Variants in MXI1 observed in about 807,000 individuals in gnomAD.
MXI1 encodes MAX interactor 1, dimerization protein.
In MXI1, 18 loss-of-function variants were observed where a neutral mutation model predicts 36.9. The observed-to-expected ratio is 0.49, with a 90% CI of 0.34 to 0.72. The LOEUF (loss-of-function observed/expected upper bound fraction) is 0.72. MXI1 is among the 30% of genes least tolerant of loss of function. MXI1 has a pLI of 0.01. For synonymous variants in MXI1, 160 were observed against 146.7 expected (o/e 1.09, Z -0.65); for missense variants, 304 against 379.1 (o/e 0.80, Z 1.64).
At chr10:110,284,753 A>C in intron 5 of MXI1, 71 bp from the exon 6 acceptor site, 1 of 1,349,356 alleles carries the variant, frequency 7.4e-7, no homozygotes, top group Non-Finnish European at 9.9e-7. Flanking sequence ...TCTTTTCCTC[A>C]TGCTGTTAGT....
At chr10:110,259,691 A>G (rs117303510) in intron 3 of MXI1, among the ~76,000 whole-genome samples, 8,052 of 152,070 alleles carry the variant, frequency 0.053, 331 homozygotes, top group South Asian at 0.15. Context: ...AGAGATTCAG[A>G]TATTTTGATA....
chr10:110,209,888 G>T (rs896753141), intron 1 of MXI1, among the ~76,000 whole-genome samples: 2 of 152,100 alleles, frequency 1.3e-5, no homozygotes, highest in South Asian at 2.1e-4. Flanking sequence ...ATGAGGGCAC[G>T]TTGGCAGTGT....
At chr10:110,249,943 T>A (rs1220978617) in intron 3 of MXI1, among the ~76,000 whole-genome samples, 1 of 152,150 alleles carries the variant, frequency 6.6e-6, no homozygotes. Context: ...CGTGAGATTG[T>A]TGAAGCCCTG....
In MXI1 at chr10:110,286,557, A is replaced by T. The variant is rs879290214; in HGVS notation, c.*1570A>T. ...CTGATTTTAATGGATTGTTAATTTC[A>T]GTCCTGTAGTTTTATTTTATGTTTA... On this transcript the variant is annotated 3_prime_UTR_variant, in exon 6 of 6. Coordinates refer to ENST00000332674, the MANE Select transcript of MXI1 (RefSeq NM_130439.3). 6.6e-6 allele frequency: 1 copy of T among 152,190 alleles called. No individual in the cohort carries two copies. The highest frequency in any genetic ancestry group is 1.5e-5 in the Non-Finnish European group (1 of 67,984). 9.4% of individuals were successfully genotyped at this position (152,190 alleles called of 1,614,324 possible).
intron 3 of MXI1, among the ~76,000 whole-genome samples, chr10:110,248,212 G>A (rs969861938): frequency 6.6e-6 from 1 of 152,168 alleles, no homozygotes; most frequent in Non-Finnish European, 1.5e-5. Flanking sequence ...GTGGAAGTGG[G>A]GAGGGATAGC....
At chr10:110,239,879 C>T (rs1401228551) in intron 2 of MXI1, among the ~76,000 whole-genome samples, 1 of 151,284 alleles carries the variant, frequency 6.6e-6, no homozygotes, top group Non-Finnish European at 1.5e-5. Flanking sequence ...ATCTTAGAAG[C>T]CCCCTCCTGA....
chr10:110,269,262 G>T (rs977201861), intron 3 of MXI1, among the ~76,000 whole-genome samples: 2 of 152,098 alleles, frequency 1.3e-5, no homozygotes, highest in African/African-American at 2.4e-5. Context: ...TAATTCTTGG[G>T]CCAGATTGTT....
At chr10:110,218,836 G>A (rs1261698896) in intron 1 of MXI1, among the ~76,000 whole-genome samples, 2 of 152,218 alleles carry the variant, frequency 1.3e-5, no homozygotes, top group African/African-American at 4.8e-5. Flanking sequence ...TGGAGCCAAG[G>A]GCTTCTGCCA....
At position 110,226,637 on chromosome 10, in the gene MXI1, A is replaced by G. The variant is rs183008455; in HGVS notation, c.275-1552A>G. Among the ~76,000 whole-genome samples the G allele has an allele frequency of 7.5e-3, 24 of 3,192 alleles. 1 individual carries two copies. Among genetic ancestry groups the G allele is most frequent in the South Asian group, 0.024 (1 of 42 alleles). 2.1% of individuals were successfully genotyped at this position (3,192 alleles called of 152,430 possible). ...AGGAGGGGCGTGTGGGTAGGGGAGC[A>G]GGCGTGTAAGGGGGGCGTGTGAGGA... On this transcript the variant is annotated intron_variant, in intron 1 of 5. Coordinates refer to ENST00000332674, the MANE Select transcript of MXI1 (RefSeq NM_130439.3).
At chr10:110,218,878 TG>T (rs1313625755) in intron 1 of MXI1, among the ~76,000 whole-genome samples, 2 of 152,240 alleles carry the variant, frequency 1.3e-5, no homozygotes, top group African/African-American at 4.8e-5. Flanking sequence ...AAGTGTGAGC[TG>T]CAGAGATGAG....
At chr10:110,214,780 C>T (rs988461929) in intron 1 of MXI1, among the ~76,000 whole-genome samples, 4 of 151,750 alleles carry the variant, frequency 2.6e-5, no homozygotes, top group Admixed American at 6.6e-5. Context: ...ACCTAACCCC[C>T]GACAGCTCTG....
chr10:110,212,278 G>A (rs991982278), intron 1 of MXI1, among the ~76,000 whole-genome samples: 1 of 152,190 alleles, frequency 6.6e-6, no homozygotes, highest in Non-Finnish European at 1.5e-5. Context: ...TGTTCCTCCT[G>A]GTAGAGGAAG....
In MXI1 at chr10:110,284,807, T is replaced by C. The variant is rs781470971; in HGVS notation, c.725-17T>C. The C allele has an allele frequency of 1.9e-6, 3 of 1,582,830 alleles. No homozygotes were observed. Among genetic ancestry groups the C allele is most frequent in the Non-Finnish European group, 2.6e-6 (3 of 1,169,788 alleles). The stretch of plus-strand genomic sequence containing the variant: ...CTCGATAATTAATGTTCTTCTTTTT[T>C]TTTTTTCCTTTGGCAGAGGAGATTG... On this transcript the variant is annotated splice_polypyrimidine_tract_variant and intron_variant, in intron 5 of 5. Coordinates refer to ENST00000332674, the MANE Select transcript of MXI1 (RefSeq NM_130439.3).
intron 3 of MXI1, among the ~76,000 whole-genome samples, chr10:110,253,591 A>G (rs1856178806): frequency 6.6e-6 from 1 of 152,156 alleles, no homozygotes; most frequent in African/African-American, 2.4e-5. Flanking sequence ...AACTTTCTTT[A>G]AAACTCTTAC....
intron 3 of MXI1, among the ~76,000 whole-genome samples, chr10:110,266,937 T>C (rs189201555): frequency 5.5e-4 from 84 of 152,312 alleles, no homozygotes; most frequent in African/African-American, 1.8e-3. Context: ...CAGAAAAATA[T>C]ATGTTTAATA....
At chr10:110,244,963 T>G in intron 3 of MXI1, 106 bp downstream of exon 3, 1 of 1,150,090 alleles carries the variant, frequency 8.7e-7, no homozygotes, top group East Asian at 2.6e-5. Context: ...ATTTTATTTT[T>G]CAGATGTATA....
chr10:110,248,196 G>T (rs1855944957), intron 3 of MXI1, among the ~76,000 whole-genome samples: 1 of 152,152 alleles, frequency 6.6e-6, no homozygotes, highest in African/African-American at 2.4e-5. Flanking sequence ...GGCCTGTTGT[G>T]GGGTGGTGGA....
intron 1 of MXI1, chr10:110,210,172 C>T: frequency 1.2e-6 from 1 of 854,400 alleles, no homozygotes. Flanking sequence ...GCGGGGCGGG[C>T]CCGTGGCGGC....
At chr10:110,279,765 C>A (rs1256418214) in intron 4 of MXI1, 149 bp from the exon 5 acceptor site, 7 of 502,340 alleles carry the variant, frequency 1.4e-5, no homozygotes, top group Non-Finnish European at 2.0e-5. Flanking sequence ...TATATGCATT[C>A]TCATTTTGGA....
Sources: allele counts gnomAD v4.1 joint callset (sites outside exome capture counted in the v4.1 genomes callset), GRCh38; gene constraint gnomAD v4.1.1; transcripts MANE v1.5; gene names NCBI Gene and HGNC (gene_info 2026-07-23, HGNC 2026-07-21).